The following MCU variants were observed in gnomAD, a reference collection of about 807,000 sequenced individuals.
The protein encoded by MCU is calcium uniporter protein, mitochondrial.
MCU carries 12 observed loss-of-function variants against 45.2 expected under a neutral mutation model. The ratio of observed to expected loss-of-function variants is 0.27; its 90% CI spans 0.17 to 0.43. The LOEUF (loss-of-function observed/expected upper bound fraction) is 0.43. Among genes scored for constraint, MCU ranks in the 20% least tolerant of loss-of-function variants. The pLI, the probability that MCU is intolerant of heterozygous loss-of-function variation, is 1.00. For missense variants in MCU, 324 were observed against 436.7 expected (o/e 0.74, Z 2.30); for synonymous variants, 160 against 165.1 (o/e 0.97, Z 0.24).
chr10:72,711,301 A>T (rs988391682), intron 1 of MCU, among the ~76,000 whole-genome samples: 1 of 143,136 alleles, frequency 7.0e-6, no homozygotes, highest in African/African-American at 2.6e-5. Context: ...GCTCGCTGCG[A>T]TCTCCACTTC....
intron 7 of MCU, 108 bp from the exon 8 acceptor site, chr10:72,885,637 T>A: frequency 1.4e-6 from 1 of 713,422 alleles, no homozygotes; most frequent in Non-Finnish European, 2.4e-6. Flanking sequence ...GTTATTGAGA[T>A]GATCTCTCTG....
At chr10:72,711,121 G>A (rs2132660618) in intron 1 of MCU, among the ~76,000 whole-genome samples, 1 of 151,508 alleles carries the variant, frequency 6.6e-6, no homozygotes, top group East Asian at 1.9e-4. Context: ...AGAGGTTGCA[G>A]TGAGCCGAGA....
rs1291607499 is a variant in MCU at position 72,886,140 on chromosome 10, C to G, written c.*318C>G. 4.8e-6 allele frequency: 1 copy of G among 209,706 alleles called. No individual in the cohort carries two copies. The allele number at this position is 209,706 out of a possible 1,614,324, so 13.0% of individuals were successfully genotyped here. On this transcript the variant is annotated 3_prime_UTR_variant, in exon 8 of 8. Coordinates refer to ENST00000373053, the MANE Select transcript of MCU (RefSeq NM_138357.3). ...TGGGGGTGTTCGTTTCTTGCATCTT[C>G]TTTGCAGAGTCAGCAAAAGAGTAAC...
chr10:72,859,942 C>T (rs1026242220), intron 3 of MCU: 2 of 152,726 alleles, frequency 1.3e-5, no homozygotes, highest in African/African-American at 4.8e-5. Flanking sequence ...TTAACAATTA[C>T]CACATTTCTA....
intron 2 of MCU, among the ~76,000 whole-genome samples, chr10:72,850,584 GT>G: frequency 6.6e-6 from 1 of 152,044 alleles, no homozygotes; most frequent in South Asian, 2.1e-4. Flanking sequence ...TTTTATGACT[GT>G]TTTTTTCAAC....
At chr10:72,703,358 T>C (rs1434119132) in intron 1 of MCU, among the ~76,000 whole-genome samples, 1 of 152,302 alleles carries the variant, frequency 6.6e-6, no homozygotes, top group Middle Eastern at 3.4e-3. Context: ...TGACACACAG[T>C]AAATGACTTA....
chr10:72,808,974 A>G (rs1350875527), intron 1 of MCU, among the ~76,000 whole-genome samples: 1 of 152,250 alleles, frequency 6.6e-6, no homozygotes, highest in African/African-American at 2.4e-5. Flanking sequence ...GCCAAACCGT[A>G]TCACCTTGGA....
chr10:72,762,594 A>G (rs1843670424), intron 1 of MCU, among the ~76,000 whole-genome samples: 1 of 152,182 alleles, frequency 6.6e-6, no homozygotes, highest in Admixed American at 6.5e-5. Context: ...TCTGGATTGA[A>G]GAAAAATGTT....
At chr10:72,771,530 A>C (rs1359281741) in intron 1 of MCU, among the ~76,000 whole-genome samples, 1 of 152,186 alleles carries the variant, frequency 6.6e-6, no homozygotes, top group Non-Finnish European at 1.5e-5. Context: ...TAGTAGACTG[A>C]TTTATAATCT....
rs553818780 is a variant in MCU, at chr10:72,856,490, T to C, written c.221-2687T>C. On this transcript the variant is annotated intron_variant, in intron 2 of 7. Transcript: ENST00000373053. ...GACAAGGAAATAAGATGTAAATGTC[T>C]ACAACTACAACTATGGAAAGCTTGA... Among the ~76,000 whole-genome samples, 4 of 152,284 alleles carry C rather than the reference T, an allele frequency of 2.6e-5. No homozygotes were observed. The East Asian group carries it at 7.7e-4, about 29-fold the overall frequency.
At chr10:72,847,684 A>G (rs1829782554) in intron 2 of MCU, among the ~76,000 whole-genome samples, 1 of 152,244 alleles carries the variant, frequency 6.6e-6, no homozygotes, top group African/African-American at 2.4e-5. Flanking sequence ...ACAAAGGGGC[A>G]TAAACTAATC....
intron 6 of MCU, among the ~76,000 whole-genome samples, chr10:72,883,734 T>G (rs1026989016): frequency 3.3e-5 from 5 of 152,074 alleles, no homozygotes; most frequent in African/African-American, 1.2e-4. Flanking sequence ...CACAATATAA[T>G]ATAATGGAAA....
At chr10:72,878,844 G>A (rs929715662) in intron 6 of MCU, among the ~76,000 whole-genome samples, 17 of 152,126 alleles carry the variant, frequency 1.1e-4, no homozygotes, top group Non-Finnish European at 1.9e-4. Flanking sequence ...AGTCTCAGAA[G>A]GAGAAGAGAA....
At chr10:72,780,510 A>ATGTGTGTGTGTGTGTGTGTGTGTGTG in intron 1 of MCU, among the ~76,000 whole-genome samples, 1 of 10,992 alleles carries the variant, frequency 9.1e-5, no homozygotes. Flanking sequence ...TTCTTTGGCT[A>ATGTGTGTGTGTGTGTGTGTGTGTGTG]AGTGTGTGTG....
At chr10:72,861,187 G>C (rs1471939037) in intron 4 of MCU, among the ~76,000 whole-genome samples, 1 of 151,800 alleles carries the variant, frequency 6.6e-6, no homozygotes, top group African/African-American at 2.4e-5. Context: ...CACCATGCCT[G>C]GATAATTTTT....
intron 2 of MCU, among the ~76,000 whole-genome samples, chr10:72,852,140 G>A (rs1197394557): frequency 4.6e-5 from 7 of 152,110 alleles, no homozygotes; most frequent in African/African-American, 9.7e-5. Flanking sequence ...TAATCTTAAT[G>A]ACTTCGTCAT....
rs764384067 is a variant in MCU, at chr10:72,868,902, A to AT, written c.657+45dup. The AT allele has an allele frequency of 2.5e-6, 4 of 1,597,048 alleles. No homozygotes were observed. The South Asian group carries it at 4.5e-5, about 18-fold the overall frequency. ...TCTCAGGTTTTTTACCTTAACCTGT[A>AT]TTTTTTCCAGAGCATATATGTTTCT... On this transcript the variant is annotated intron_variant, in intron 5 of 7. Transcript: ENST00000373053.
At chr10:72,879,156 G>A (rs1452981861) in intron 6 of MCU, among the ~76,000 whole-genome samples, 2 of 152,114 alleles carry the variant, frequency 1.3e-5, no homozygotes, top group South Asian at 2.1e-4. Flanking sequence ...CCAGCTACTC[G>A]GGAGGCTGAG....
intron 4 of MCU, among the ~76,000 whole-genome samples, chr10:72,862,241 A>G (rs544771354): frequency 9.7e-4 from 148 of 152,120 alleles, no homozygotes; most frequent in African/African-American, 3.4e-3. Flanking sequence ...TCGGCCTCCC[A>G]AAGTGCTGGG....
Sources: gnomAD v4.1 joint callset for allele counts (sites outside exome capture counted in the v4.1 genomes callset) on GRCh38, gnomAD v4.1.1 for gene constraint, MANE v1.5 for transcripts, NCBI Gene and HGNC (gene_info 2026-07-23, HGNC 2026-07-21) for gene names.